MED13: variants seen among roughly 807,000 people sequenced by gnomAD.
MED13 encodes the protein mediator complex subunit 13.
In MED13, 23 loss-of-function variants were observed where a neutral mutation model predicts 225.2. That is an observed-to-expected ratio of 0.10 (90% CI 0.07 to 0.14). MED13 has a LOEUF of 0.14. MED13 is among the 10% of genes least tolerant of loss of function. MED13 has a pLI of 1.00. For missense variants in MED13, 2,197 were observed against 2,594.5 expected (o/e 0.85, Z 3.33); for synonymous variants, 942 against 889.2 (o/e 1.06, Z -1.06).
At chr17:62,024,997 G>A (rs2080686740) in intron 8 of MED13, among the ~76,000 whole-genome samples, 1 of 152,092 alleles carries the variant, frequency 6.6e-6, no homozygotes. Context: ...GAACATTCCC[G>A]TGCATGTGTC....
intron 3 of MED13, among the ~76,000 whole-genome samples, chr17:62,037,480 C>T (rs1206198210): frequency 6.6e-6 from 1 of 151,196 alleles, no homozygotes; most frequent in African/African-American, 2.4e-5. Flanking sequence ...GCCTGGCCAA[C>T]TTGGCAAAAC....
intron 3 of MED13, among the ~76,000 whole-genome samples, chr17:62,043,504 C>A (rs1477862649): frequency 6.6e-6 from 1 of 152,118 alleles, no homozygotes; most frequent in Non-Finnish European, 1.5e-5. Flanking sequence ...ATTCTTCTTG[C>A]CTTTGAGATT....
At chr17:61,955,943 T>C in intron 24 of MED13, 105 bp from the exon 25 acceptor site, 3 of 1,367,260 alleles carry the variant, frequency 2.2e-6, no homozygotes, top group Non-Finnish European at 2.8e-6. Context: ...ATAAAAATAG[T>C]TAATGGCTTT....
intron 9 of MED13, among the ~76,000 whole-genome samples, chr17:62,002,003 T>C (rs1216720899): frequency 6.6e-6 from 1 of 152,198 alleles, no homozygotes; most frequent in Non-Finnish European, 1.5e-5. Flanking sequence ...TTAAATGCAC[T>C]TTCAAAACTC....
At chr17:62,026,365 G>A (rs753975354) in intron 8 of MED13, among the ~76,000 whole-genome samples, 1 of 151,342 alleles carries the variant, frequency 6.6e-6, no homozygotes, top group Non-Finnish European at 1.5e-5. Context: ...CCTTGTGACA[G>A]TTCTTCCCTT....
chr17:61,966,525 C>T lies in MED13; in HGVS notation c.4318G>A (p.Asp1440Asn). ...LVAEWFSQAADGNNEAFSKLK... is the reference protein window; with the variant it reads ...LVAEWFSQAANGNNEAFSKLK... Reference sequence around the variant, plus strand: ...TTAGAAAATGCTTCATTGTTACCGTCAGCTGCCTGAGAAAACCATTCTGCT... The same window carrying T: ...TTAGAAAATGCTTCATTGTTACCGTTAGCTGCCTGAGAAAACCATTCTGCT... The change falls in exon 19 of 30, where the codon GAC becomes AAC. Residue 1440 changes from aspartate to asparagine, a missense_variant. By Grantham distance (23) the Asp-to-Asn change is conservative. Transcript: ENST00000397786. The T allele has an allele frequency of 1.2e-6, 2 of 1,613,904 alleles. No homozygotes were observed. The highest frequency in any genetic ancestry group is 8.5e-7 in the Non-Finnish European group (1 of 1,179,876).
At position 62,001,837 on chromosome 17, in the gene MED13, G is replaced by A. The variant is rs934466520; in HGVS notation, c.1968-6472C>T. ...CTAACAGTGCCCCACAGCATCCTGCGTAAGAGAAACTTCAGTTTTATTGAA... is the reference window on the plus strand; with the variant it reads ...CTAACAGTGCCCCACAGCATCCTGCATAAGAGAAACTTCAGTTTTATTGAA... On this transcript the variant is annotated intron_variant, in intron 9 of 29. Transcript: ENST00000397786. Among the ~76,000 whole-genome samples, 6 of 152,184 alleles carry A rather than the reference G, an allele frequency of 3.9e-5. No individual in the cohort carries two copies. The East Asian group carries it at 7.7e-4, about 20-fold the overall frequency.
At chr17:62,034,559 T>C (rs577132648) in intron 4 of MED13, among the ~76,000 whole-genome samples, 2 of 151,518 alleles carry the variant, frequency 1.3e-5, no homozygotes, top group South Asian at 4.2e-4. Flanking sequence ...TATTTGTGTA[T>C]CCTTCAATTT....
chr17:62,040,608 A>G (rs1036545338), intron 3 of MED13, among the ~76,000 whole-genome samples: 5 of 152,210 alleles, frequency 3.3e-5, no homozygotes, highest in Admixed American at 2.0e-4. Context: ...ATTTGCCAGT[A>G]GAGAATCCGA....
In MED13 at chr17:61,980,972, C is replaced by G. The variant is rs542234687; in HGVS notation, c.3805+1226G>C. ...AACTCCTGGCCTCATGATCTGCCCA[C>G]CTCAGTCTCCCAAAGTGCTGGGATT... is the stretch of plus-strand genomic sequence containing the variant. On this transcript the variant is annotated intron_variant, in intron 16 of 29. Coordinates refer to ENST00000397786, the MANE Select transcript of MED13 (RefSeq NM_005121.3). Among the ~76,000 whole-genome samples the G allele has an allele frequency of 2.0e-5, 3 of 152,118 alleles. No individual in the cohort carries two copies. In the East Asian group the frequency reaches 5.8e-4, roughly 29 times the overall value.
intron 28 of MED13, 144 bp downstream of exon 28, chr17:61,950,681 C>T (rs2079889341): frequency 2.4e-5 from 18 of 754,520 alleles, no homozygotes; most frequent in Non-Finnish European, 2.8e-5. Context: ...ACCGTGCCTT[C>T]GTGATCTTGT....
Position 62,029,902 on chromosome 17 carries a change from T to G in MED13, c.1121A>C (p.His374Pro). The G allele has an allele frequency of 6.2e-7, 1 of 1,614,084 alleles. No homozygotes were observed. Among genetic ancestry groups the G allele is most frequent in the Non-Finnish European group, 8.5e-7 (1 of 1,180,002 alleles). The part of the protein sequence containing the change: ...GGKIPRKLAN[H>P]VVDRVWQECN... ...TTCTTGCCAAACTCTATCCACCACA[T>G]GATTTGCTAATTTTCTGGGTATTTT... Residue 374 changes from histidine (H) to proline (P), a missense_variant, in exon 7 of 30, where the codon CAT (histidine) becomes CCT (proline). His to Pro is a moderately conservative substitution (Grantham distance 77). Transcript: ENST00000397786.
At chr17:62,029,105 G>C (rs930564511) in intron 8 of MED13, among the ~76,000 whole-genome samples, 2 of 152,194 alleles carry the variant, frequency 1.3e-5, no homozygotes, top group South Asian at 4.2e-4. Flanking sequence ...AGGTTGCAGT[G>C]AGCCATGATC....
At position 61,982,515 on chromosome 17, in the gene MED13, A is replaced by C. The variant is rs2080213815; in HGVS notation, c.3488T>G (p.Phe1163Cys). Residue 1163 changes from phenylalanine (F) to cysteine (C), a missense_variant, in exon 16 of 30, where the codon TTT becomes TGT. This residue lies in a region of MED13 where 203 missense variants were observed against 209.7 expected (regional missense o/e 0.97). Coordinates refer to ENST00000397786, the MANE Select transcript of MED13 (RefSeq NM_005121.3). ...AGCAGAGGTAGCCCTGAGAGCTTCA[A>C]AACGTTTTTCTGCTTCTTTGCCACA... ...TDCGKEAEKR[F>C]EALRATSAEH... 1 of 1,614,200 alleles carries C rather than the reference A, an allele frequency of 6.2e-7. No homozygotes were observed. Among genetic ancestry groups the C allele is most frequent in the Non-Finnish European group, 8.5e-7 (1 of 1,180,040 alleles).
chr17:61,955,698 A>T lies in MED13; in HGVS notation c.5764T>A (p.Ser1922Thr). 6.2e-7 allele frequency: 1 copy of T among 1,601,674 alleles called. No individual in the cohort carries two copies. The highest frequency in any genetic ancestry group is 8.5e-7 in the Non-Finnish European group (1 of 1,176,924). ...ACLVAMEPQG[S>T]FVIMPDSVST... is the part of the protein sequence containing the mutation. Reference sequence around the variant, plus strand: ...AGCTAACCTGGCATAATAACAAAAGAGCCTTGCGGCTCCATTGCCACCAAG... The same window carrying T: ...AGCTAACCTGGCATAATAACAAAAGTGCCTTGCGGCTCCATTGCCACCAAG... Residue 1922 changes from serine to threonine, a missense_variant, in exon 25 of 30, where the codon TCT becomes ACT. Around this residue, in one of 12 missense-constraint regions of MED13, gnomAD observed 216 missense variants for 388.9 expected, o/e 0.56. Coordinates refer to ENST00000397786, the MANE Select transcript of MED13 (RefSeq NM_005121.3).
chr17:61,997,929 G>A (rs1235120386), intron 9 of MED13, among the ~76,000 whole-genome samples: 2 of 151,986 alleles, frequency 1.3e-5, no homozygotes, highest in Non-Finnish European at 2.9e-5. Context: ...TAAAAAATGA[G>A]TAAACCAAAT....
At chr17:62,048,066 A>ATG (rs1568001127) in intron 3 of MED13, among the ~76,000 whole-genome samples, 4 of 144,024 alleles carry the variant, frequency 2.8e-5, no homozygotes, top group African/African-American at 1.0e-4. Flanking sequence ...ATATATATGT[A>ATG]TATATGTATA....
At chr17:61,951,198 G>A (rs2079893622) in intron 27 of MED13, among the ~76,000 whole-genome samples, 200 bp from the exon 28 acceptor site, 1 of 152,128 alleles carries the variant, frequency 6.6e-6, no homozygotes, top group South Asian at 2.1e-4. Context: ...CATATTTTAA[G>A]GATTGCATGA....
chr17:61,967,709 T>C (rs1236178079), intron 18 of MED13, among the ~76,000 whole-genome samples: 1 of 152,174 alleles, frequency 6.6e-6, no homozygotes, highest in Non-Finnish European at 1.5e-5. Flanking sequence ...GAATAAAGAC[T>C]AGAATTTTTG....
Sources: gnomAD v4.1 joint callset for allele counts (sites outside exome capture counted in the v4.1 genomes callset) on GRCh38, gnomAD v4.1.1 for gene constraint, gnomAD v4.1.1 regional missense constraint, MANE v1.5 for transcripts, NCBI Gene and HGNC (gene_info 2026-07-23, HGNC 2026-07-21) for gene names.